The following FIBCD1 variants were observed in gnomAD, a reference collection of about 807,000 sequenced individuals.
The protein encoded by FIBCD1 is fibrinogen C domain containing 1, also known as fibrinogen C domain-containing protein 1.
FIBCD1 carries 47 observed loss-of-function variants against 45.1 expected under a neutral mutation model. That is an observed-to-expected ratio of 1.04 (90% CI 0.82 to 1.33). FIBCD1 has a LOEUF of 1.33. FIBCD1 is among the 40% of genes most tolerant of loss of function. FIBCD1 has a pLI of 0.00. For missense variants in FIBCD1, 653 were observed against 682.2 expected (o/e 0.96, Z 0.48); for synonymous variants, 313 against 308.1 (o/e 1.02, Z -0.17).
At chr9:130,930,454 G>GCGGGGAGACA (rs1832432900) in intron 1 of FIBCD1, among the ~76,000 whole-genome samples, 1 of 151,078 alleles carries the variant, frequency 6.6e-6, no homozygotes, top group Non-Finnish European at 1.5e-5. Context: ...GCGGGGAGAC[G>GCGGGGAGACA]CAGGGAGACG....
chr9:130,917,825 AC>A (rs1346531533), intron 4 of FIBCD1, among the ~76,000 whole-genome samples: 1 of 152,102 alleles, frequency 6.6e-6, no homozygotes, highest in African/African-American at 2.4e-5. Context: ...GGAGTGGGCA[AC>A]CCAGGTGCGC....
In FIBCD1 at chr9:130,938,546, T is replaced by C; in HGVS notation, c.62A>G (p.Asp21Gly). 1 of 1,490,200 alleles carries C rather than the reference T, an allele frequency of 6.7e-7. No individual in the cohort carries two copies. The highest frequency in any genetic ancestry group is 8.9e-7 in the Non-Finnish European group (1 of 1,125,708). 92.3% of individuals were successfully genotyped at this position (1,490,200 alleles called of 1,614,324 possible). A position where few individuals can be genotyped will look rare whatever the true frequency, so the allele number is the denominator to read the frequency against. The change falls in exon 1 of 7, where the codon GAC (aspartate) becomes GGC (glycine). Residue 21 changes from aspartate to glycine, a missense_variant. Transcript: ENST00000372338. Reference sequence around the variant, plus strand: ...AGCGCCCGAGCGTACCTGCGGCTTGTCGCGCGGCCGGTCCTCAAGTTGGGC... The same window carrying C: ...AGCGCCCGAGCGTACCTGCGGCTTGCCGCGCGGCCGGTCCTCAAGTTGGGC... ...GAAQLEDRPR[D>G]KPQRPSCGYV...
At chr9:130,918,815 G>A (rs1297708173) in intron 4 of FIBCD1, among the ~76,000 whole-genome samples, 5 of 152,212 alleles carry the variant, frequency 3.3e-5, no homozygotes, top group Non-Finnish European at 5.9e-5. Context: ...CACAGGCCAC[G>A]TGACCTCGGA....
Position 130,904,034 on chromosome 9 carries a change from C to G in FIBCD1, c.*30G>C. The G allele has an allele frequency of 6.2e-7, 1 of 1,608,496 alleles. No individual in the cohort carries two copies. The highest frequency in any genetic ancestry group is 8.5e-7 in the Non-Finnish European group (1 of 1,178,158). ...GGGGTCGGGGATGGGGCGACAGGGA[C>G]CAGCAGGGCCAAGGACAAGGTGCAC... On this transcript the variant is annotated 3_prime_UTR_variant, in exon 7 of 7. Coordinates refer to ENST00000372338, the MANE Select transcript of FIBCD1 (RefSeq NM_032843.5).
In FIBCD1 at chr9:130,905,506, T is replaced by C. The variant is rs145283468; in HGVS notation, c.947-93A>G. 1,265 of 1,341,370 alleles carry C rather than the reference T, an allele frequency of 9.4e-4. 4 individuals carry two copies. In the East Asian group the frequency reaches 0.011, roughly 12 times the overall value. The allele number at this position is 1,341,370 out of a possible 1,614,324, so 83.1% of individuals were successfully genotyped here. The stretch of plus-strand genomic sequence containing the variant: ...ATAAATGACAGCTGAGCTCATGCAG[T>C]TGGGGACAGAAAGGGACAACCACCA... On this transcript the variant is annotated intron_variant, in intron 5 of 6. Transcript: ENST00000372338.
rs563136360 is a variant in FIBCD1, at chr9:130,929,951, G to A, written c.168C>T (p.His56=). The A allele has an allele frequency of 3.2e-5, 49 of 1,549,454 alleles. No individual in the cohort carries two copies. In the Middle Eastern group the frequency reaches 6.7e-4, roughly 21 times the overall value. ...AVTGAVLFLN[H]AHAPGTAPPP... is the part of the protein sequence containing the mutation. The stretch of plus-strand genomic sequence containing the variant: ...GGGGCGCCGTGCCCGGCGCGTGGGC[G>A]TGGTTCAGGAAGAGCACGGCACCGG... Residue 56 remains histidine, a synonymous_variant, in exon 2 of 7, where the codon CAC becomes CAT. Coordinates refer to ENST00000372338, the MANE Select transcript of FIBCD1 (RefSeq NM_032843.5).
intron 4 of FIBCD1, among the ~76,000 whole-genome samples, chr9:130,917,291 C>T (rs1045393476): frequency 9.1e-5 from 13 of 143,646 alleles, no homozygotes; most frequent in African/African-American, 3.3e-4. Context: ...AGTGGGAAGA[C>T]AGACAGAGAG....
At chr9:130,908,949 C>T (rs936789198) in intron 5 of FIBCD1, among the ~76,000 whole-genome samples, 22 of 152,186 alleles carry the variant, frequency 1.4e-4, no homozygotes, top group African/African-American at 5.1e-4. Context: ...CCTTTGGGGC[C>T]CCCGACCCCC....
intron 2 of FIBCD1, among the ~76,000 whole-genome samples, chr9:130,927,516 C>G (rs1427259454): frequency 1.3e-5 from 2 of 152,216 alleles, no homozygotes; most frequent in African/African-American, 2.4e-5. Context: ...ACAGCTGGCA[C>G]AGATGGGGCC....
chr9:130,916,178 C>G (rs375308594), intron 4 of FIBCD1, among the ~76,000 whole-genome samples: 1 of 152,374 alleles, frequency 6.6e-6, no homozygotes, highest in Non-Finnish European at 1.5e-5. Context: ...ATCCACCCAC[C>G]TTGGCCTCCC....
intron 5 of FIBCD1, among the ~76,000 whole-genome samples, chr9:130,910,820 C>T (rs934775102): frequency 2.8e-4 from 43 of 152,094 alleles, no homozygotes; most frequent in African/African-American, 9.7e-4. Flanking sequence ...CACCCTGTGT[C>T]TAGCTCAGGG....
chr9:130,929,443 T>C, intron 2 of FIBCD1, 124 bp downstream of exon 2: 1 of 1,276,804 alleles, frequency 7.8e-7, no homozygotes. Context: ...GGAACAGCAG[T>C]AGCCCCTTGT....
intron 4 of FIBCD1, 137 bp from the exon 5 acceptor site, chr9:130,912,025 C>T (rs950517943): frequency 4.2e-6 from 3 of 712,752 alleles, no homozygotes; most frequent in South Asian, 1.9e-5. Context: ...GCCTGGTTGC[C>T]CACTTCCCGC....
intron 1 of FIBCD1, among the ~76,000 whole-genome samples, chr9:130,931,542 C>T (rs1051079124): frequency 1.1e-4 from 16 of 152,072 alleles, no homozygotes; most frequent in African/African-American, 3.4e-4. Context: ...AAAACAAAAA[C>T]GGAAACGAAG....
At chr9:130,925,836 T>G (rs1272029862) in intron 2 of FIBCD1, among the ~76,000 whole-genome samples, 1 of 152,166 alleles carries the variant, frequency 6.6e-6, no homozygotes, top group Non-Finnish European at 1.5e-5. Flanking sequence ...TTTATACACC[T>G]AACATGTCAC....
Position 130,903,583 on chromosome 9 carries a change from G to A in FIBCD1, c.*481C>T, listed in dbSNP as rs1831872023. The A allele has an allele frequency of 9.9e-6, 2 of 202,846 alleles. No homozygotes were observed. The highest frequency in any genetic ancestry group is 2.0e-5 in the Non-Finnish European group (2 of 99,274). 12.6% of individuals were successfully genotyped at this position (202,846 alleles called of 1,614,324 possible). ...GGGAAACGGGGTGGGGGTTGGCATT[G>A]GGAGGGCTGGAGGATACTGGCCTCA... On this transcript the variant is annotated 3_prime_UTR_variant, in exon 7 of 7. Transcript: ENST00000372338.
chr9:130,913,480 C>T (rs2133082600), intron 4 of FIBCD1, among the ~76,000 whole-genome samples: 2 of 114,422 alleles, frequency 1.7e-5, no homozygotes, highest in South Asian at 5.1e-4. Flanking sequence ...GAGCCCTGCT[C>T]TGAGCCCTCG....
In FIBCD1 at chr9:130,904,056, G is replaced by A. The variant is rs747313487; in HGVS notation, c.*8C>T. On this transcript the variant is annotated 3_prime_UTR_variant, in exon 7 of 7. Coordinates refer to ENST00000372338, the MANE Select transcript of FIBCD1 (RefSeq NM_032843.5). ...GGACCAGCAGGGCCAAGGACAAGGT[G>A]CACCAGTCTAGCGGTCCTCCCGGAC... The A allele has an allele frequency of 1.9e-6, 3 of 1,611,384 alleles. No homozygotes were observed.
intron 4 of FIBCD1, among the ~76,000 whole-genome samples, chr9:130,914,786 C>G (rs1832128116): frequency 6.6e-6 from 1 of 152,210 alleles, no homozygotes; most frequent in African/African-American, 2.4e-5. Flanking sequence ...CAGACCCCAG[C>G]CCTGCCCTGA....
Sources: gnomAD v4.1 joint callset for allele counts (sites outside exome capture counted in the v4.1 genomes callset) on GRCh38, gnomAD v4.1.1 for gene constraint, MANE v1.5 for transcripts, NCBI Gene and HGNC (gene_info 2026-07-23, HGNC 2026-07-21) for gene names.